HERC1: variants seen among roughly 807,000 people sequenced by gnomAD.
HERC1 encodes probable E3 ubiquitin-protein ligase HERC1.
HERC1 carries 160 observed loss-of-function variants against 554.3 expected under a neutral mutation model. The ratio of observed to expected loss-of-function variants is 0.29; its 90% confidence interval spans 0.25 to 0.33. The LOEUF is 0.33. HERC1 is among the 10% of genes least tolerant of loss of function. The probability of loss-of-function intolerance (pLI) is 1.00; values close to 1 mark genes in which losing one functional copy is unlikely to be tolerated. For missense variants in HERC1, 4,919 were observed against 5,918.5 expected (o/e 0.83, Z 5.54); for synonymous variants, 2,175 against 2,131.7 (o/e 1.02, Z -0.56).
intron 14 of HERC1, among the ~76,000 whole-genome samples, chr15:63,731,402 T>C (rs547987195): frequency 6.6e-6 from 1 of 152,352 alleles, no homozygotes; most frequent in African/African-American, 2.4e-5. Context: ...AAGCAGTTAG[T>C]ATTTTATTTC....
intron 2 of HERC1, among the ~76,000 whole-genome samples, chr15:63,773,540 AT>A (rs958091465): frequency 4.7e-5 from 7 of 147,384 alleles, no homozygotes; most frequent in African/African-American, 7.5e-5. Flanking sequence ...TTTGTATTTT[AT>A]TTTTTTTTAT....
At chr15:63,772,079 G>A (rs969673895) in intron 2 of HERC1, among the ~76,000 whole-genome samples, 35 of 150,780 alleles carry the variant, frequency 2.3e-4, no homozygotes, top group African/African-American at 7.6e-4. Context: ...CCAAGATCAC[G>A]CCACTACACT....
chr15:63,643,762 A>G (rs892695810), intron 57 of HERC1, among the ~76,000 whole-genome samples: 2 of 152,236 alleles, frequency 1.3e-5, no homozygotes, highest in African/African-American at 4.8e-5. Flanking sequence ...TTTAAAAAAT[A>G]TATTTCTAAA....
chr15:63,736,183 A>G (rs2074496174), intron 12 of HERC1, among the ~76,000 whole-genome samples: 1 of 152,184 alleles, frequency 6.6e-6, no homozygotes, highest in African/African-American at 2.4e-5. Context: ...ACCAAAAAAC[A>G]CTTTGATTTG....
chr15:63,725,551 G>C (rs2074006283), intron 17 of HERC1, 38 bp from the exon 18 acceptor site: 1 of 1,514,788 alleles, frequency 6.6e-7, no homozygotes. Context: ...TCTTTATCTG[G>C]TACTTTTAAG....
At chr15:63,636,346 C>T (rs2068778548) in intron 64 of HERC1, among the ~76,000 whole-genome samples, 1 of 150,762 alleles carries the variant, frequency 6.6e-6, no homozygotes, top group South Asian at 2.1e-4. Flanking sequence ...TCTCGGCTCA[C>T]TGCAACCTCC....
chr15:63,815,992 C>A (rs544325248), intron 1 of HERC1, among the ~76,000 whole-genome samples: 162 of 152,228 alleles, frequency 1.1e-3, no homozygotes, highest in Admixed American at 1.7e-3. Flanking sequence ...GGGTAACCAT[C>A]CCCACGATTC....
intron 1 of HERC1, among the ~76,000 whole-genome samples, chr15:63,798,872 C>T (rs759370005): frequency 6.6e-6 from 1 of 152,206 alleles, no homozygotes; most frequent in African/African-American, 2.4e-5. Flanking sequence ...TTAGTGGTTG[C>T]ATACTATTTC....
intron 26 of HERC1, among the ~76,000 whole-genome samples, chr15:63,698,260 A>G (rs1226250214): frequency 6.6e-6 from 1 of 152,006 alleles, no homozygotes; most frequent in Non-Finnish European, 1.5e-5. Flanking sequence ...TCCTAATAAT[A>G]CAAAAAAATT....
At position 63,747,915 on chromosome 15, in the gene HERC1, G is replaced by A. The variant is rs79022805; in HGVS notation, c.2220-57C>T. The A allele has an allele frequency of 3.0e-4, 445 of 1,477,842 alleles. 1 individual carries two copies. In the African/African-American group the frequency reaches 5.7e-3, roughly 19 times the overall value. The allele number at this position is 1,477,842 out of a possible 1,614,324, so 91.5% of individuals were successfully genotyped here. A position where few individuals can be genotyped will look rare whatever the true frequency, so the allele number is the denominator to read the frequency against. The stretch of plus-strand genomic sequence containing the variant: ...GTCTTAAAATGAAATTTTTATGCAC[G>A]ATCAAAAACGAAAATTAAAACATAT... On this transcript the variant is annotated intron_variant, in intron 10 of 77. Coordinates refer to ENST00000443617, the MANE Select transcript of HERC1 (RefSeq NM_003922.4).
Position 63,708,725 on chromosome 15 carries a change from A to G in HERC1, c.4585-1894T>C, listed in dbSNP as rs375386857. Among the ~76,000 whole-genome samples the G allele has an allele frequency of 2.2e-3, 337 of 152,348 alleles. 10 individuals are homozygous for G. The South Asian group carries it at 0.066, about 30-fold the overall frequency. On this transcript the variant is annotated intron_variant, in intron 24 of 77. Coordinates refer to ENST00000443617, the MANE Select transcript of HERC1 (RefSeq NM_003922.4). ...TTAAAAAGCATTTCATTTACGAACA[A>G]TTCAGAATAAATGAGGTATCAAAGA... is the stretch of plus-strand genomic sequence containing the variant.
intron 2 of HERC1, among the ~76,000 whole-genome samples, chr15:63,766,998 TTTTCA>T (rs200044650): frequency 0.013 from 1,843 of 144,788 alleles, 32 homozygotes; most frequent in African/African-American, 0.045. Flanking sequence ...TTTTATAGGT[TTTTCA>T]TTTGTTTTTT....
At position 63,782,687 on chromosome 15, in the gene HERC1, G is replaced by A. The variant is rs531317081; in HGVS notation, c.-26-7038C>T. Among the ~76,000 whole-genome samples the A allele has an allele frequency of 5.3e-5, 8 of 152,346 alleles. No individual in the cohort carries two copies. In the East Asian group the frequency reaches 1.3e-3, roughly 26 times the overall value. On this transcript the variant is annotated intron_variant, in intron 1 of 77. Coordinates refer to ENST00000443617, the MANE Select transcript of HERC1 (RefSeq NM_003922.4). ...ATTTTGTAAGGCTATAGCTGCCACAGATAGTGATTCCTCTGAGATCTGGGT... is the reference window on the plus strand; with the variant it reads ...ATTTTGTAAGGCTATAGCTGCCACAAATAGTGATTCCTCTGAGATCTGGGT...
intron 34 of HERC1, 149 bp downstream of exon 34, chr15:63,686,210 A>C (rs2071750701): frequency 1.8e-6 from 1 of 566,404 alleles, no homozygotes; most frequent in Admixed American, 3.4e-5. Context: ...TATATCCTTC[A>C]CTTGGTTTCC....
rs200964205 is a variant in HERC1 at position 63,678,127 on chromosome 15, C to T, written c.6788G>A (p.Ser2263Asn). The T allele has an allele frequency of 4.9e-4, 788 of 1,614,002 alleles. 1 individual carries two copies. Among genetic ancestry groups the T allele is most frequent in the Non-Finnish European group, 6.1e-4 (719 of 1,179,892 alleles). ...CTCTCTCATTTCATTTTCCTCTCGG[C>T]TCTGAACCGAGCGGCTTTTCTTTAG... is the stretch of plus-strand genomic sequence containing the variant. ...QKLKKSRSVQ[S>N]REENEMREEK... The change falls in exon 37 of 78, where the codon AGC (serine) becomes AAC (asparagine). Residue 2263 changes from serine (S) to asparagine (N), a missense_variant. By Grantham distance (46) the Ser-to-Asn change is conservative. Around this residue, in one of 11 missense-constraint regions of HERC1, gnomAD observed 1,963 missense variants for 2,228.6 expected, o/e 0.88. Transcript: ENST00000443617.
chr15:63,757,604 C>G (rs1417399075), intron 4 of HERC1, among the ~76,000 whole-genome samples: 1 of 151,892 alleles, frequency 6.6e-6, no homozygotes, highest in Non-Finnish European at 1.5e-5. Flanking sequence ...GTGAACATAA[C>G]GGTAAAGTCT....
chr15:63,708,714 A>G (rs2073141611), intron 24 of HERC1, among the ~76,000 whole-genome samples: 1 of 152,226 alleles, frequency 6.6e-6, no homozygotes, highest in African/African-American at 2.4e-5. Context: ...AAAGCATTTC[A>G]TTTACGAACA....
In HERC1 at chr15:63,614,413, A is replaced by T. The variant is rs190834165; in HGVS notation, c.14094+1355T>A. 2.3e-3 allele frequency among the ~76,000 whole-genome samples: 357 copies of T among 152,360 alleles called. 4 individuals are homozygous for T. Among genetic ancestry groups the T allele is most frequent in the African/African-American group, 8.5e-3 (352 of 41,576 alleles). On this transcript the variant is annotated intron_variant, in intron 76 of 77. Coordinates refer to ENST00000443617, the MANE Select transcript of HERC1 (RefSeq NM_003922.4). Reference sequence around the variant, plus strand: ...TGCAGAAGGTTATCAATACATTTCTAGTCAGTTATTTATTCTCTGAGGATT... The same window carrying T: ...TGCAGAAGGTTATCAATACATTTCTTGTCAGTTATTTATTCTCTGAGGATT...
At chr15:63,793,550 T>C (rs1263988383) in intron 1 of HERC1, among the ~76,000 whole-genome samples, 1 of 152,236 alleles carries the variant, frequency 6.6e-6, no homozygotes, top group African/African-American at 2.4e-5. Context: ...ATTCACCCCT[T>C]GTTTAGTATA....
Sources: gnomAD v4.1 joint callset for allele counts (sites outside exome capture counted in the v4.1 genomes callset) on GRCh38, gnomAD v4.1.1 for gene constraint, gnomAD v4.1.1 regional missense constraint, MANE v1.5 for transcripts, NCBI Gene and HGNC (gene_info 2026-07-23, HGNC 2026-07-21) for gene names.